The following GSTCD variants were observed in gnomAD, a reference collection of about 807,000 sequenced individuals.
The protein encoded by GSTCD is glutathione S-transferase C-terminal domain containing, also known as glutathione S-transferase C-terminal domain-containing protein.
GSTCD carries 44 observed loss-of-function variants against 68.3 expected under a neutral mutation model. That is an observed-to-expected ratio of 0.64 (90% CI 0.51 to 0.83). GSTCD has a LOEUF of 0.83. Among genes scored for constraint, GSTCD ranks in the 40% least tolerant of loss-of-function variants. The pLI, the probability that GSTCD is intolerant of heterozygous loss-of-function variation, is 0.00. For missense variants in GSTCD, 739 were observed against 735.9 expected (o/e 1.00, Z -0.05); for synonymous variants, 273 against 255.2 (o/e 1.07, Z -0.67).
At chr4:105,745,665 A>G (rs554473354) in intron 5 of GSTCD, among the ~76,000 whole-genome samples, 1 of 152,326 alleles carries the variant, frequency 6.6e-6, no homozygotes, top group South Asian at 2.1e-4. Context: ...CACTTAATCC[A>G]TGCATTATTT....
intron 5 of GSTCD, among the ~76,000 whole-genome samples, chr4:105,730,191 C>G (rs147001097): frequency 6.6e-6 from 1 of 152,096 alleles, no homozygotes; most frequent in East Asian, 1.9e-4. Flanking sequence ...TGAATAGTGC[C>G]GCAATGAACA....
chr4:105,729,777 G>C (rs114809110), intron 5 of GSTCD, among the ~76,000 whole-genome samples: 1,556 of 152,096 alleles, frequency 0.01, 32 homozygotes, highest in African/African-American at 0.035. Context: ...AAGTTCTAAG[G>C]TACATGAGCA....
chr4:105,794,961 G>A (rs1250557357), intron 5 of GSTCD, among the ~76,000 whole-genome samples: 15 of 151,252 alleles, frequency 9.9e-5, no homozygotes, highest in African/African-American at 3.2e-4. Flanking sequence ...TGCAACCTCC[G>A]CCTCCCGGGT....
rs754764622 is a variant in GSTCD at position 105,717,748 on chromosome 4, C to G, written c.135C>G (p.Ile45Met). ...LFLLSYCDCK[I>M]FKICLVVTKE... is the part of the protein sequence containing the mutation. ...TGTTATCTTACTGTGACTGTAAAATCTTTAAAATTTGCTTAGTTGTCACCA... is the reference window on the plus strand; with the variant it reads ...TGTTATCTTACTGTGACTGTAAAATGTTTAAAATTTGCTTAGTTGTCACCA... Residue 45 changes from isoleucine (I) to methionine (M), a missense_variant, in exon 2 of 12, where the codon ATC becomes ATG. Physicochemically the swap from Ile to Met is conservative, Grantham distance 10 (BLOSUM62 1). Transcript: ENST00000515279. 1 of 1,613,772 alleles carries G rather than the reference C, an allele frequency of 6.2e-7. No homozygotes were observed. Among genetic ancestry groups the G allele is most frequent in the Non-Finnish European group, 8.5e-7 (1 of 1,179,758 alleles).
At chr4:105,767,728 G>A (rs1481778260) in intron 5 of GSTCD, among the ~76,000 whole-genome samples, 2 of 152,094 alleles carry the variant, frequency 1.3e-5, no homozygotes, top group African/African-American at 4.8e-5. Flanking sequence ...AGCCTGGGTG[G>A]TGGACTAGAA....
At chr4:105,714,024 GAAA>G (rs768501109) in intron 1 of GSTCD, among the ~76,000 whole-genome samples, 8 of 140,402 alleles carry the variant, frequency 5.7e-5, no homozygotes, top group African/African-American at 2.1e-4. Context: ...GAATGAAAGT[GAAA>G]AAAAAAAACC....
chr4:105,788,953 G>A lies in GSTCD; in HGVS notation c.1241-34001G>A, dbSNP rs933169589. The stretch of plus-strand genomic sequence containing the variant: ...CCCATTAACAAGACATTTATAAGAA[G>A]ACTGTTTTCCTAGGTTTTCTTTTTA... On this transcript the variant is annotated intron_variant, in intron 5 of 11. Transcript: ENST00000515279. Among the ~76,000 whole-genome samples, 8 of 151,966 alleles carry A rather than the reference G, an allele frequency of 5.3e-5. 1 individual carries two copies. Among genetic ancestry groups the A allele is most frequent in the African/African-American group, 1.9e-4 (8 of 41,304 alleles).
intron 1 of GSTCD, among the ~76,000 whole-genome samples, chr4:105,709,434 T>C (rs911561376): frequency 6.6e-6 from 1 of 152,218 alleles, no homozygotes; most frequent in Non-Finnish European, 1.5e-5. Context: ...CCCTTCCTGA[T>C]TGCAGAAAGC....
chr4:105,818,034 T>G (rs1723085883), intron 5 of GSTCD, among the ~76,000 whole-genome samples: 1 of 151,914 alleles, frequency 6.6e-6, no homozygotes, highest in South Asian at 2.1e-4. Flanking sequence ...ATCAGTCTCC[T>G]GGTAATCTTT....
chr4:105,769,808 T>A (rs970159527), intron 5 of GSTCD, among the ~76,000 whole-genome samples: 3 of 152,188 alleles, frequency 2.0e-5, no homozygotes, highest in African/African-American at 7.2e-5. Context: ...CAGGCTGGAA[T>A]GCAATGGCAC....
At chr4:105,803,122 T>C (rs1736171037) in intron 5 of GSTCD, among the ~76,000 whole-genome samples, 1 of 152,158 alleles carries the variant, frequency 6.6e-6, no homozygotes, top group South Asian at 2.1e-4. Flanking sequence ...AGCTAATGAA[T>C]GGGCCAAATA....
chr4:105,845,070 AT>A (rs527935657), intron 11 of GSTCD, among the ~76,000 whole-genome samples: 18 of 152,232 alleles, frequency 1.2e-4, no homozygotes, highest in Admixed American at 3.9e-4. Flanking sequence ...TTAAAGACAA[AT>A]TTTTTTTCCA....
At position 105,766,887 on chromosome 4, in the gene GSTCD, CTTT is replaced by C; in HGVS notation, c.1240+37411_1240+37413del. Among the ~76,000 whole-genome samples the C allele has an allele frequency of 9.7e-3, 557 of 57,134 alleles. 16 individuals carry two copies. The highest frequency in any genetic ancestry group is 0.042 in the African/African-American group (524 of 12,442). 37.5% of individuals were successfully genotyped at this position (57,134 alleles called of 152,430 possible). A position where few individuals can be genotyped will look rare whatever the true frequency, so the allele number is the denominator to read the frequency against. ...CAAAAGCATGAATAGGTTTTTGACT[CTTT>C]TTTTTTTTTTTTTTTTTTTTTTACC... On this transcript the variant is annotated intron_variant, in intron 5 of 11. Coordinates refer to ENST00000515279, the MANE Select transcript of GSTCD (RefSeq NM_001370181.1).
intron 5 of GSTCD, among the ~76,000 whole-genome samples, chr4:105,733,356 A>G (rs1240283189): frequency 2.0e-5 from 3 of 152,164 alleles, no homozygotes; most frequent in East Asian, 1.9e-4. Context: ...GACTTGCTTT[A>G]TGAATCTGGG....
At chr4:105,836,063 G>A (rs1724106067) in intron 9 of GSTCD, among the ~76,000 whole-genome samples, 1 of 151,998 alleles carries the variant, frequency 6.6e-6, no homozygotes, top group African/African-American at 2.4e-5. Flanking sequence ...CAGCAGAGAA[G>A]AGATCCAGAG....
At chr4:105,762,801 G>T (rs1734464441) in intron 5 of GSTCD, among the ~76,000 whole-genome samples, 2 of 151,904 alleles carry the variant, frequency 1.3e-5, no homozygotes, top group Admixed American at 1.3e-4. Context: ...TATCTTTTGG[G>T]GGATGGTGTT....
chr4:105,741,562 T>G (rs979430041), intron 5 of GSTCD, among the ~76,000 whole-genome samples: 3 of 152,232 alleles, frequency 2.0e-5, no homozygotes, highest in Non-Finnish European at 1.5e-5. Flanking sequence ...CATGTTTTGC[T>G]TTATCCATAA....
intron 7 of GSTCD, chr4:105,823,576 C>A: frequency 1.5e-5 from 3 of 195,922 alleles, no homozygotes; most frequent in Non-Finnish European, 3.1e-5. Flanking sequence ...GTTTAATTTT[C>A]AATATAATTT....
chr4:105,790,106 G>A lies in GSTCD; in HGVS notation c.1241-32848G>A, dbSNP rs768065944. 6.6e-5 allele frequency among the ~76,000 whole-genome samples: 10 copies of A among 151,972 alleles called. No individual in the cohort carries two copies. In the East Asian group the frequency reaches 1.2e-3, roughly 18 times the overall value. ...TTGCTTTTCTACTCAGTGGAAATCC[G>A]TGCCAAGTATAGAAGCAAAGTTGTA... is the stretch of plus-strand genomic sequence containing the variant. On this transcript the variant is annotated intron_variant, in intron 5 of 11. Transcript: ENST00000515279.
Sources: gnomAD v4.1 joint callset for allele counts (sites outside exome capture counted in the v4.1 genomes callset) on GRCh38, gnomAD v4.1.1 for gene constraint, MANE v1.5 for transcripts, NCBI Gene and HGNC (gene_info 2026-07-23, HGNC 2026-07-21) for gene names.